Variants in KIF12 observed in about 807,000 individuals in gnomAD.
KIF12 encodes the protein kinesin family member 12.
In KIF12, 80 loss-of-function variants were observed where a neutral mutation model predicts 87.9. The ratio of observed to expected loss-of-function variants is 0.91; its 90% CI spans 0.76 to 1.10. The LOEUF (loss-of-function observed/expected upper bound fraction) is 1.10, where lower values mean the gene tolerates loss of function less well. Ranked by LOEUF, KIF12 falls within the 50% of genes least tolerant of loss-of-function variation. KIF12 has a pLI of 0.00. For synonymous variants in KIF12, 353 were observed against 348.5 expected (o/e 1.01, Z -0.14); for missense variants, 819 against 865.3 (o/e 0.95, Z 0.67).
At position 114,097,426 on chromosome 9, in the gene KIF12, A is replaced by T; in HGVS notation, c.521T>A (p.Leu174Ter). The change falls in exon 7 of 19, where the codon TTG becomes TAG. Residue 174 changes from leucine (L) to a stop codon, truncating the protein, a stop_gained. Transcript: ENST00000640217. LOFTEE classifies it high-confidence loss of function. ...GGGCCGGGGAGACCCCAGGCTCAGC[A>T]AGTCCCGAACCTGGGAGGGGAGGGA... ...LEIYNEQVRD[L>*]LSLGSPRPLP... The T allele has an allele frequency of 6.3e-7, 1 of 1,593,846 alleles. No homozygotes were observed. Among genetic ancestry groups the T allele is most frequent in the Middle Eastern group, 1.7e-4 (1 of 5,956 alleles).
rs905737489 is a variant in KIF12 at position 114,096,540 on chromosome 9, A to G, written c.647-62T>C. The G allele has an allele frequency of 9.6e-6, 13 of 1,357,598 alleles. No homozygotes were observed. In the African/African-American group the frequency reaches 1.3e-4, roughly 14 times the overall value. 84.1% of individuals were successfully genotyped at this position (1,357,598 alleles called of 1,614,324 possible). ...GAAGAACAGGTCATCATCAATGAAG[A>G]AAAAGGAGCAAAGGAATCCTGGCGG... On this transcript the variant is annotated intron_variant, in intron 7 of 18. Transcript: ENST00000640217.
In KIF12 at chr9:114,095,147, T is replaced by C. The variant is rs751293717; in HGVS notation, c.1015-20A>G. 1 of 1,607,258 alleles carries C rather than the reference T, an allele frequency of 6.2e-7. No homozygotes were observed. Among genetic ancestry groups the C allele is most frequent in the Non-Finnish European group, 8.5e-7 (1 of 1,176,722 alleles). On this transcript the variant is annotated intron_variant, in intron 10 of 18. Coordinates refer to ENST00000640217, the MANE Select transcript of KIF12 (RefSeq NM_001388308.1). ...GGCCACCTGGGGAGTGCACTCCCCC[T>C]GAGCGCTCCTCTCTGAGGGCCCCTT...
Position 114,095,912 on chromosome 9 carries a change from G to A in KIF12, c.895+139C>T, listed in dbSNP as rs1588504634. 9 of 901,878 alleles carry A rather than the reference G, an allele frequency of 1.0e-5. No individual in the cohort carries two copies. The South Asian group carries it at 1.4e-4, about 14-fold the overall frequency. 55.9% of individuals were successfully genotyped at this position (901,878 alleles called of 1,614,324 possible). On this transcript the variant is annotated intron_variant, in intron 9 of 18. Transcript: ENST00000640217. ...TCAACAGCAGAGCTGGGGCCAGAAT[G>A]GGGCCTTTGGTTCCTGGATCGCAGC...
At chr9:114,098,679 G>A (rs10982064) in intron 3 of KIF12, among the ~76,000 whole-genome samples, 56,760 of 122,596 alleles carry the variant, frequency 0.46, 13,699 homozygotes, top group South Asian at 0.66. Flanking sequence ...ACCCTGGAGG[G>A]GCGGGGCATT....
intron 18 of KIF12, 131 bp from the exon 19 acceptor site, chr9:114,092,131 C>CA (rs1847022937): frequency 6.9e-7 from 1 of 1,444,016 alleles, no homozygotes; most frequent in Admixed American, 2.8e-5. Context: ...ACCCCACCCC[C>CA]ATACACCATG....
rs1205539624 is a variant in KIF12, at chr9:114,099,023, G to T, written c.93-10C>A. On this transcript the variant is annotated splice_polypyrimidine_tract_variant and intron_variant, in intron 2 of 18. Coordinates refer to ENST00000640217, the MANE Select transcript of KIF12 (RefSeq NM_001388308.1). ...GCTCATGGGACGTACCCTGGGGTCC[G>T]ACAGAAGGGCAGATGGTACATCCTG... The T allele has an allele frequency of 6.5e-7, 1 of 1,550,290 alleles. No homozygotes were observed. The highest frequency in any genetic ancestry group is 2.4e-5 in the East Asian group (1 of 40,880).
At chr9:114,097,523 T>A in intron 6 of KIF12, 84 bp downstream of exon 6, 1 of 1,589,546 alleles carries the variant, frequency 6.3e-7, no homozygotes, top group South Asian at 1.2e-5. Context: ...CCCCACCGCC[T>A]CTTCTGTCCT....
chr9:114,093,048 AG>A, intron 16 of KIF12, 180 bp downstream of exon 16: 3 of 1,171,786 alleles, frequency 2.6e-6, no homozygotes, highest in Non-Finnish European at 3.5e-6. Flanking sequence ...CAGGGTGAGG[AG>A]GGGGGAGGGT....
At chr9:114,092,789 T>A in intron 16 of KIF12, 147 bp from the exon 17 acceptor site, 1 of 1,471,428 alleles carries the variant, frequency 6.8e-7, no homozygotes, top group South Asian at 1.4e-5. Flanking sequence ...GGGGTCTTGG[T>A]CGCCTTCTGT....
chr9:114,096,734 C>T (rs935436079), intron 7 of KIF12, among the ~76,000 whole-genome samples: 1 of 152,092 alleles, frequency 6.6e-6, no homozygotes, highest in African/African-American at 2.4e-5. Flanking sequence ...CCCACTGCTT[C>T]GTGAAAGGAA....
intron 11 of KIF12, 108 bp downstream of exon 11, chr9:114,094,915 A>G (rs1453290608): frequency 3.0e-6 from 3 of 1,005,104 alleles, no homozygotes; most frequent in East Asian, 2.5e-5. Context: ...CCCTAATCCC[A>G]ACTTTGACCC....
chr9:114,098,445 C>A lies in KIF12; in HGVS notation c.172-16G>T, dbSNP rs1458294502. On this transcript the variant is annotated splice_polypyrimidine_tract_variant and intron_variant, in intron 3 of 18. Coordinates refer to ENST00000640217, the MANE Select transcript of KIF12 (RefSeq NM_001388308.1). The stretch of plus-strand genomic sequence containing the variant: ...GAGGACTCACCTGGCGCGGGTGGGG[C>A]GGAGGAGCGGGGCACTCTGGAGGAG... 8.0e-7 allele frequency: 1 copy of A among 1,251,408 alleles called. No individual in the cohort carries two copies. Among genetic ancestry groups the A allele is most frequent in the African/African-American group, 1.9e-5 (1 of 52,390 alleles). The allele number at this position is 1,251,408 out of a possible 1,614,324, so 77.5% of individuals were successfully genotyped here.
intron 18 of KIF12, 120 bp from the exon 19 acceptor site, chr9:114,092,120 C>A (rs1172968716): frequency 1.3e-5 from 18 of 1,427,356 alleles, no homozygotes; most frequent in South Asian, 2.9e-5. Flanking sequence ...CCCTTCCCCC[C>A]ACCCCACCCC....
At position 114,096,472 on chromosome 9, in the gene KIF12, C is replaced by A. The variant is rs1183814043; in HGVS notation, c.653G>T (p.Ser218Ile). Residue 218 changes from serine (S) to isoleucine (I), a missense_variant, in exon 8 of 19, where the codon AGC becomes ATC. Coordinates refer to ENST00000640217, the MANE Select transcript of KIF12 (RefSeq NM_001388308.1). ...GGTGTGGGCTGAGTTCCTTCGACGG[C>A]TGAGACCTGGAAGGGAAAAACATCA... ...ALMELLQTGL[S>I]RRRNSAHTLN... 1.2e-6 allele frequency: 2 copies of A among 1,609,030 alleles called. No homozygotes were observed. Among genetic ancestry groups the A allele is most frequent in the Non-Finnish European group, 1.7e-6 (2 of 1,177,802 alleles).
chr9:114,096,867 AAAG>A (rs1847253254), intron 7 of KIF12, among the ~76,000 whole-genome samples: 1 of 152,216 alleles, frequency 6.6e-6, no homozygotes, highest in South Asian at 2.1e-4. Flanking sequence ...GATTTAAAAA[AAAG>A]AATGAGGCTG....
At chr9:114,093,050 G>C (rs969107070) in intron 16 of KIF12, 179 bp downstream of exon 16, 85 of 1,171,682 alleles carry the variant, frequency 7.3e-5, no homozygotes, top group Middle Eastern at 2.9e-4. Flanking sequence ...GGGTGAGGAG[G>C]GGGGAGGGTG....
chr9:114,097,782 A>G, intron 5 of KIF12, 41 bp from the exon 6 acceptor site: 2 of 1,591,950 alleles, frequency 1.3e-6, no homozygotes, highest in Non-Finnish European at 1.7e-6. Flanking sequence ...TCTCCACAGT[A>G]ATAACTACCC....
rs761711856 is a variant in KIF12 at position 114,096,115 on chromosome 9, G to C, written c.831C>G (p.Ala277=). ...GCATCAGCTCCCCACGGGATCCCGT[G>C]GCTGCTACCTTCTCACTGCCTGCCA... The part of the protein sequence containing the change: ...VDLAGSEKVA[A]TGSRGELMLE... Residue 277 remains alanine (A), a synonymous_variant, in exon 9 of 19, where the codon GCC becomes GCG. Transcript: ENST00000640217. 6.2e-7 allele frequency: 1 copy of C among 1,613,822 alleles called. No homozygotes were observed. The highest frequency in any genetic ancestry group is 8.5e-7 in the Non-Finnish European group (1 of 1,180,010).
At chr9:114,092,495 TC>T (rs1162456803) in intron 17 of KIF12, 44 bp from the exon 18 acceptor site, 1 of 1,613,328 alleles carries the variant, frequency 6.2e-7, no homozygotes, top group Non-Finnish European at 8.5e-7. Flanking sequence ...GCCTTTGAGT[TC>T]CCCAGACCAC....
Sources: allele counts gnomAD v4.1 joint callset (sites outside exome capture counted in the v4.1 genomes callset), GRCh38; gene constraint gnomAD v4.1.1; transcripts MANE v1.5; gene names NCBI Gene and HGNC (gene_info 2026-07-23, HGNC 2026-07-21).